Variants in PTPRK observed in about 807,000 individuals in gnomAD.
The protein encoded by PTPRK is receptor-type tyrosine-protein phosphatase kappa.
A neutral mutation model predicts 178.0 loss-of-function variants in PTPRK; 75 were observed. The ratio of observed to expected loss-of-function variants is 0.42; its 90% CI spans 0.35 to 0.51. PTPRK has a LOEUF of 0.51. Among genes scored for constraint, PTPRK ranks in the 20% least tolerant of loss-of-function variants. The pLI, the probability that PTPRK is intolerant of heterozygous loss-of-function variation, is 0.02. For missense variants in PTPRK, 1,441 were observed against 1,797.8 expected (o/e 0.80, Z 3.59); for synonymous variants, 637 against 620.6 (o/e 1.03, Z -0.39).
intron 5 of PTPRK, among the ~76,000 whole-genome samples, chr6:128,223,619 A>C (rs146435211): frequency 6.6e-6 from 1 of 152,286 alleles, no homozygotes; most frequent in African/African-American, 2.4e-5. Context: ...AAAATAACAA[A>C]ATTAACAGTC....
At chr6:128,465,395 A>G (rs1849712831) in intron 1 of PTPRK, among the ~76,000 whole-genome samples, 1 of 152,194 alleles carries the variant, frequency 6.6e-6, no homozygotes, top group Non-Finnish European at 1.5e-5. Flanking sequence ...TCAATTTCAA[A>G]CAATTTAATC....
chr6:128,464,326 T>C (rs1171157565), intron 1 of PTPRK, among the ~76,000 whole-genome samples: 3 of 151,482 alleles, frequency 2.0e-5, no homozygotes, highest in Admixed American at 6.6e-5. Flanking sequence ...ATAAACTAGA[T>C]GAAAGCTGGC....
chr6:128,397,453 C>T (rs1562437897), intron 2 of PTPRK, 113 bp downstream of exon 2: 3 of 1,334,316 alleles, frequency 2.2e-6, no homozygotes, highest in Non-Finnish European at 2.1e-6. Context: ...TCCAGTAGCA[C>T]AATAATTTAG....
At chr6:128,172,040 A>T (rs933373331) in intron 7 of PTPRK, among the ~76,000 whole-genome samples, 11 of 152,026 alleles carry the variant, frequency 7.2e-5, no homozygotes, top group African/African-American at 2.2e-4. Flanking sequence ...AACTGATTTG[A>T]CTAAGCAGAG....
rs1327543645 is a variant in PTPRK at position 128,111,866 on chromosome 6, T to C, written c.1163-21874A>G. On this transcript the variant is annotated intron_variant, in intron 7 of 29. Transcript: ENST00000368226. Reference sequence around the variant, plus strand: ...GTCTCTACTACTGGAGTGAGGGCACTTCTCATTTCTTTTCTATTTTTATAT... The same window carrying C: ...GTCTCTACTACTGGAGTGAGGGCACCTCTCATTTCTTTTCTATTTTTATAT... Among the ~76,000 whole-genome samples the C allele has an allele frequency of 1.3e-5, 2 of 152,082 alleles. 1 individual carries two copies. Among genetic ancestry groups the C allele is most frequent in the Non-Finnish European group, 2.9e-5 (2 of 67,972 alleles).
chr6:128,417,135 C>A (rs1052077578), intron 1 of PTPRK, among the ~76,000 whole-genome samples: 4 of 151,544 alleles, frequency 2.6e-5, no homozygotes, highest in African/African-American at 9.7e-5. Context: ...AGTACTCTGA[C>A]GTGCCTTGGA....
chr6:128,449,265 C>G (rs1847451750), intron 1 of PTPRK, among the ~76,000 whole-genome samples: 4 of 152,122 alleles, frequency 2.6e-5, no homozygotes, highest in Admixed American at 2.6e-4. Context: ...CATACTTACA[C>G]CATTGAAAAA....
intron 7 of PTPRK, among the ~76,000 whole-genome samples, chr6:128,173,759 T>C (rs1583326361): frequency 6.6e-6 from 1 of 151,994 alleles, no homozygotes; most frequent in East Asian, 1.9e-4. Context: ...TTGGAATTCT[T>C]ATCTCCTCTG....
At chr6:128,491,181 C>T (rs1314358459) in intron 1 of PTPRK, among the ~76,000 whole-genome samples, 1 of 152,078 alleles carries the variant, frequency 6.6e-6, no homozygotes, top group Non-Finnish European at 1.5e-5. Context: ...TAGGCTAAGC[C>T]CCATTAAATT....
intron 3 of PTPRK, among the ~76,000 whole-genome samples, chr6:128,294,408 G>C (rs1382479735): frequency 6.6e-6 from 1 of 151,930 alleles, no homozygotes; most frequent in Non-Finnish European, 1.5e-5. Flanking sequence ...CCCTGAAGTA[G>C]AAATGCTGTT....
intron 13 of PTPRK, among the ~76,000 whole-genome samples, chr6:128,045,716 T>C (rs1369241264): frequency 6.6e-6 from 1 of 152,128 alleles, no homozygotes; most frequent in Non-Finnish European, 1.5e-5. Flanking sequence ...TATTAATTAA[T>C]TCAGCCATTC....
intron 2 of PTPRK, among the ~76,000 whole-genome samples, chr6:128,377,616 CTTTGA>C (rs572235993): frequency 4.2e-4 from 63 of 151,782 alleles, no homozygotes; most frequent in African/African-American, 1.5e-3. Flanking sequence ...CATCATAGTA[CTTTGA>C]TTTGTATTTC....
chr6:128,195,198 G>T (rs1329051864), intron 6 of PTPRK, among the ~76,000 whole-genome samples: 1 of 151,842 alleles, frequency 6.6e-6, no homozygotes, highest in Non-Finnish European at 1.5e-5. Flanking sequence ...GAAGATTTTT[G>T]TGACACTTAG....
At chr6:128,232,794 A>G (rs546943914) in intron 5 of PTPRK, among the ~76,000 whole-genome samples, 22 of 152,326 alleles carry the variant, frequency 1.4e-4, no homozygotes, top group African/African-American at 5.3e-4. Flanking sequence ...TTATTTTAAT[A>G]TTTCAGAAGT....
chr6:127,978,710 G>A (rs1350350898), intron 25 of PTPRK, among the ~76,000 whole-genome samples: 2 of 152,164 alleles, frequency 1.3e-5, no homozygotes, highest in Non-Finnish European at 1.5e-5. Context: ...CAGGGGAGGG[G>A]ATATGCATGA....
At chr6:128,458,847 C>T (rs1309118842) in intron 1 of PTPRK, among the ~76,000 whole-genome samples, 3 of 152,174 alleles carry the variant, frequency 2.0e-5, no homozygotes, top group Non-Finnish European at 4.4e-5. Context: ...CCATTATGCT[C>T]TTCTCCTTAC....
intron 3 of PTPRK, among the ~76,000 whole-genome samples, chr6:128,258,865 A>C (rs1464304043): frequency 1.3e-5 from 2 of 152,216 alleles, no homozygotes; most frequent in Non-Finnish European, 2.9e-5. Context: ...CACGATCAGA[A>C]AGCTGAATGA....
chr6:128,116,526 A>G (rs931327741), intron 7 of PTPRK, among the ~76,000 whole-genome samples: 1 of 152,266 alleles, frequency 6.6e-6, no homozygotes, highest in Non-Finnish European at 1.5e-5. Context: ...CAGATAAGAC[A>G]TGGTGCAACC....
intron 5 of PTPRK, chr6:128,230,890 G>T (rs1812186419): frequency 6.6e-6 from 1 of 152,148 alleles, no homozygotes; most frequent in Admixed American, 6.5e-5. Flanking sequence ...GATAAGGAAG[G>T]TAAAGAATAT....
Sources: allele counts gnomAD v4.1 joint callset (sites outside exome capture counted in the v4.1 genomes callset), GRCh38; gene constraint gnomAD v4.1.1; transcripts MANE v1.5; gene names NCBI Gene and HGNC (gene_info 2026-07-23, HGNC 2026-07-21).